Variants in GRAMD2A observed in about 807,000 individuals in gnomAD.
GRAMD2A encodes the protein GRAM domain containing 2A.
A neutral mutation model predicts 51.1 loss-of-function variants in GRAMD2A; 37 were observed. The observed-to-expected ratio is 0.72, with a 90% CI of 0.56 to 0.95. The LOEUF (loss-of-function observed/expected upper bound fraction) is 0.95. GRAMD2A is among the 40% of genes least tolerant of loss of function. GRAMD2A has a pLI of 0.00. For missense variants in GRAMD2A, 414 were observed against 426.9 expected (o/e 0.97, Z 0.27); for synonymous variants, 136 against 157.1 (o/e 0.87, Z 1.01).
At chr15:72,179,041 C>T (rs1186918885) in intron 1 of GRAMD2A, among the ~76,000 whole-genome samples, 1 of 152,164 alleles carries the variant, frequency 6.6e-6, no homozygotes. Context: ...GTTGGGGTCC[C>T]ACTCAGCTCC....
intron 2 of GRAMD2A, 49 bp from the exon 3 acceptor site, chr15:72,169,045 C>A: frequency 6.5e-7 from 1 of 1,549,022 alleles, no homozygotes; most frequent in Non-Finnish European, 8.9e-7. Flanking sequence ...CAGTCCTGCC[C>A]ATGCATCCTC....
At chr15:72,173,669 C>A (rs1296091096) in intron 1 of GRAMD2A, 1 of 152,130 alleles carries the variant, frequency 6.6e-6, no homozygotes, top group East Asian at 1.9e-4. Context: ...TGGCTTATGC[C>A]TGTAAGCCCA....
At chr15:72,162,167 C>T (rs1210948420) in intron 11 of GRAMD2A, 106 bp downstream of exon 11, 6 of 1,341,148 alleles carry the variant, frequency 4.5e-6, no homozygotes, top group Non-Finnish European at 1.1e-6. Flanking sequence ...GGGTCAGAAG[C>T]CAGCTCAAAA....
intron 3 of GRAMD2A, 58 bp from the exon 4 acceptor site, chr15:72,168,624 C>T: frequency 7.0e-7 from 1 of 1,420,392 alleles, no homozygotes; most frequent in Non-Finnish European, 1.0e-6. Flanking sequence ...CCAAAGGGGC[C>T]CTGCTCCAGC....
chr15:72,174,974 C>T (rs1268847148), intron 1 of GRAMD2A, among the ~76,000 whole-genome samples: 1 of 152,108 alleles, frequency 6.6e-6, no homozygotes, highest in Non-Finnish European at 1.5e-5. Context: ...CCTCTGTAAC[C>T]TTGACACCCA....
At position 72,169,844 on chromosome 15, in the gene GRAMD2A, C is replaced by T. The variant is rs1404886659; in HGVS notation, c.134+3G>A. ...TATCTATGACTGGGAAAGGGGTCCT[C>T]ACCTGTAGTCCGGGGGCTCCTCAAC... On this transcript the variant is annotated splice_donor_region_variant and intron_variant, in intron 2 of 11. Transcript: ENST00000309731. 5.0e-6 allele frequency: 8 copies of T among 1,610,400 alleles called. No homozygotes were observed. The highest frequency in any genetic ancestry group is 6.8e-6 in the Non-Finnish European group (8 of 1,176,560).
intron 1 of GRAMD2A, among the ~76,000 whole-genome samples, chr15:72,179,428 C>T (rs941687187): frequency 6.6e-6 from 1 of 152,184 alleles, no homozygotes; most frequent in Admixed American, 6.5e-5. Context: ...CAGGTAGGTG[C>T]GAGCTGCAGC....
At chr15:72,182,016 A>G (rs994023087) in intron 1 of GRAMD2A, among the ~76,000 whole-genome samples, 16 of 152,196 alleles carry the variant, frequency 1.1e-4, no homozygotes, top group African/African-American at 3.9e-4. Context: ...GGACAAACTG[A>G]ATATCCACAT....
At chr15:72,163,587 C>A in intron 9 of GRAMD2A, 26 bp downstream of exon 9, 1 of 1,590,202 alleles carries the variant, frequency 6.3e-7, no homozygotes. Context: ...CAAGTAGTTG[C>A]CATGGACAAG....
Position 72,161,929 on chromosome 15 carries a change from A to G in GRAMD2A, c.*80T>C, listed in dbSNP as rs367731416. 1.4e-3 allele frequency: 2,006 copies of G among 1,477,716 alleles called. 3 individuals carry two copies. Among genetic ancestry groups the G allele is most frequent in the Non-Finnish European group, 1.8e-3 (1,931 of 1,055,638 alleles). 91.5% of individuals were successfully genotyped at this position (1,477,716 alleles called of 1,614,324 possible). On this transcript the variant is annotated 3_prime_UTR_variant, in exon 12 of 12. Coordinates refer to ENST00000309731, the MANE Select transcript of GRAMD2A (RefSeq NM_001012642.3). ...CAGTCTTAGCACAGCAGCAGCATAA[A>G]CCACAGGGATCATTGGTGGAGACTT...
intron 8 of GRAMD2A, among the ~76,000 whole-genome samples, chr15:72,165,114 G>A (rs1467225339): frequency 6.6e-6 from 1 of 152,232 alleles, no homozygotes; most frequent in Non-Finnish European, 1.5e-5. Flanking sequence ...ACTGCAGCAT[G>A]GGCAACATAG....
At chr15:72,185,716 C>T (rs2081730665) in intron 1 of GRAMD2A, among the ~76,000 whole-genome samples, 1 of 152,130 alleles carries the variant, frequency 6.6e-6, no homozygotes, top group African/African-American at 2.4e-5. Flanking sequence ...ATCAATGGAG[C>T]ATAAGACAGT....
intron 1 of GRAMD2A, among the ~76,000 whole-genome samples, chr15:72,180,266 C>T (rs1404445275): frequency 6.6e-6 from 1 of 152,252 alleles, no homozygotes; most frequent in Non-Finnish European, 1.5e-5. Context: ...TTCGTCCCAT[C>T]ATGCCCGCTG....
rs78179527 is a variant in GRAMD2A at position 72,170,369 on chromosome 15, C to T, written c.42-430G>A. ...AGCATGACTGTAAACCATCAGGTTC[C>T]GGGAAAGTAGGCTGAGCACAGGAGG... On this transcript the variant is annotated intron_variant, in intron 1 of 11. Coordinates refer to ENST00000309731, the MANE Select transcript of GRAMD2A (RefSeq NM_001012642.3). The surrounding 1 kb of genome is among the most constrained non-coding windows in gnomAD (Gnocchi z 4.5). The T allele has an allele frequency of 9.7e-4, 441 of 456,860 alleles. 6 individuals carry two copies. In the East Asian group the frequency reaches 0.027, roughly 28 times the overall value. 28.3% of individuals were successfully genotyped at this position (456,860 alleles called of 1,614,324 possible). A position where few individuals can be genotyped will look rare whatever the true frequency, so the allele number is the denominator to read the frequency against.
chr15:72,179,250 C>T (rs144143466), intron 1 of GRAMD2A, among the ~76,000 whole-genome samples: 27 of 152,352 alleles, frequency 1.8e-4, no homozygotes, highest in East Asian at 1.9e-4. Flanking sequence ...CCACAGCCAG[C>T]GGAACCATGG....
Position 72,166,945 on chromosome 15 carries a change from G to A in GRAMD2A, c.471+49C>T. On this transcript the variant is annotated intron_variant, in intron 6 of 11. Coordinates refer to ENST00000309731, the MANE Select transcript of GRAMD2A (RefSeq NM_001012642.3). The surrounding 1 kb of genome is among the most constrained non-coding windows in gnomAD (Gnocchi z 4.1). ...GCCCGAGTCAGACTGTGGGCTGTCAGGGCTGGGAGCGGGAGACTGACAAGG... is the reference window on the plus strand; with the variant it reads ...GCCCGAGTCAGACTGTGGGCTGTCAAGGCTGGGAGCGGGAGACTGACAAGG... The A allele has an allele frequency of 6.9e-7, 1 of 1,450,270 alleles. No individual in the cohort carries two copies. Among genetic ancestry groups the A allele is most frequent in the Non-Finnish European group, 9.7e-7 (1 of 1,031,032 alleles). 89.8% of individuals were successfully genotyped at this position (1,450,270 alleles called of 1,614,324 possible).
intron 1 of GRAMD2A, among the ~76,000 whole-genome samples, chr15:72,171,721 A>G (rs1328399336): frequency 6.6e-6 from 1 of 152,210 alleles, no homozygotes; most frequent in Non-Finnish European, 1.5e-5. Context: ...TTTTTTCCAA[A>G]TAATTATTAA....
intron 1 of GRAMD2A, 88 bp downstream of exon 1, chr15:72,197,643 C>T (rs1164785703): frequency 7.4e-6 from 8 of 1,081,862 alleles, no homozygotes; most frequent in African/African-American, 1.7e-5. Flanking sequence ...TGCCGCGGCC[C>T]CAGGAGCCGT....
intron 1 of GRAMD2A, among the ~76,000 whole-genome samples, chr15:72,184,263 C>A (rs1422390678): frequency 1.3e-5 from 2 of 152,262 alleles, no homozygotes; most frequent in Non-Finnish European, 2.9e-5. Context: ...TCTGCGCCTG[C>A]CTTGGAAAGG....
Sources: allele counts gnomAD v4.1 joint callset (sites outside exome capture counted in the v4.1 genomes callset), GRCh38; gene constraint gnomAD v4.1.1; non-coding constraint Gnocchi (gnomAD v3.1); transcripts MANE v1.5; gene names NCBI Gene and HGNC (gene_info 2026-07-23, HGNC 2026-07-21).